MIPOL1: variants seen among roughly 807,000 people sequenced by gnomAD.
MIPOL1 encodes the protein mirror-image polydactyly gene 1 protein.
A neutral mutation model predicts 60.9 loss-of-function variants in MIPOL1; 57 were observed. That is an observed-to-expected ratio of 0.94 (90% CI 0.76 to 1.17). The LOEUF is 1.17. Ranked by LOEUF, MIPOL1 falls within the 50% of genes most tolerant of loss-of-function variation. MIPOL1 has a pLI of 0.00. For missense variants in MIPOL1, 551 were observed against 511.6 expected (o/e 1.08, Z -0.74); for synonymous variants, 179 against 168.8 (o/e 1.06, Z -0.47).
chr14:37,248,710 A>G (rs1973594192), intron 3 of MIPOL1, among the ~76,000 whole-genome samples: 1 of 152,114 alleles, frequency 6.6e-6, no homozygotes, highest in South Asian at 2.1e-4. Context: ...AGAGAAACAG[A>G]CACACCTAAA....
intron 10 of MIPOL1, among the ~76,000 whole-genome samples, chr14:37,397,474 C>T (rs1224407769): frequency 6.6e-6 from 1 of 152,104 alleles, no homozygotes; most frequent in Non-Finnish European, 1.5e-5. Flanking sequence ...GGCCTCCTGC[C>T]AGGAGGTGGC....
intron 9 of MIPOL1, among the ~76,000 whole-genome samples, chr14:37,335,978 A>G (rs1343281064): frequency 3.3e-5 from 5 of 152,040 alleles, no homozygotes; most frequent in Non-Finnish European, 5.9e-5. Flanking sequence ...GACAAATCCA[A>G]TGTCATGAAA....
intron 11 of MIPOL1, among the ~76,000 whole-genome samples, chr14:37,463,534 G>A (rs1490212364): frequency 1.3e-5 from 2 of 152,154 alleles, no homozygotes; most frequent in African/African-American, 2.4e-5. Flanking sequence ...AATACATGGT[G>A]TTGGAAAAAT....
At chr14:37,380,974 C>T (rs866791494) in intron 10 of MIPOL1, among the ~76,000 whole-genome samples, 7 of 152,226 alleles carry the variant, frequency 4.6e-5, no homozygotes, top group Middle Eastern at 3.4e-3. Context: ...TTGTATCCAG[C>T]ATTTTCTCTG....
intron 11 of MIPOL1, 101 bp from the exon 12 acceptor site, chr14:37,499,807 T>G: frequency 1.9e-6 from 1 of 528,204 alleles, no homozygotes; most frequent in Non-Finnish European, 3.3e-6. Context: ...TATTTATTGA[T>G]TTTTAGAACT....
At chr14:37,404,630 G>A (rs1270261669) in intron 10 of MIPOL1, among the ~76,000 whole-genome samples, 17 of 152,052 alleles carry the variant, frequency 1.1e-4, no homozygotes, top group Non-Finnish European at 2.2e-4. Context: ...ATATATCACC[G>A]TTACTTGTTT....
At chr14:37,294,237 C>T (rs559619792) in intron 7 of MIPOL1, among the ~76,000 whole-genome samples, 16 of 152,304 alleles carry the variant, frequency 1.1e-4, no homozygotes, top group African/African-American at 2.9e-4. Context: ...AACAGACCTG[C>T]AGCTCAGGGT....
chr14:37,265,609 A>C (rs2153383464), intron 3 of MIPOL1, among the ~76,000 whole-genome samples: 1 of 152,294 alleles, frequency 6.6e-6, no homozygotes, highest in African/African-American at 2.4e-5. Flanking sequence ...CAGAGGATTT[A>C]ACATTGATTT....
intron 9 of MIPOL1, among the ~76,000 whole-genome samples, chr14:37,362,433 A>T (rs1415875007): frequency 6.6e-6 from 1 of 151,890 alleles, no homozygotes; most frequent in Non-Finnish European, 1.5e-5. Context: ...TTGAATATTG[A>T]CCCCCACTCT....
chr14:37,445,319 A>G (rs1189235392), intron 11 of MIPOL1, among the ~76,000 whole-genome samples: 1 of 152,224 alleles, frequency 6.6e-6, no homozygotes, highest in African/African-American at 2.4e-5. Context: ...ACTCCCATTC[A>G]CAATTGCTTC....
rs1974060831 is a variant in MIPOL1 at position 37,251,321 on chromosome 14, G to A, written c.19+3414G>A. 3.3e-5 allele frequency among the ~76,000 whole-genome samples: 5 copies of A among 152,084 alleles called. No individual in the cohort carries two copies. In the South Asian group the frequency reaches 1.0e-3, roughly 32 times the overall value. ...AGCCTCGAGCAATTCTCCTGCCTCA[G>A]ACTCCCAAAGCCCTGGGATGACAGG... On this transcript the variant is annotated intron_variant, in intron 3 of 12. Transcript: ENST00000684589.
intron 8 of MIPOL1, 113 bp from the exon 9 acceptor site, chr14:37,308,236 C>T: frequency 8.4e-7 from 1 of 1,194,518 alleles, no homozygotes; most frequent in South Asian, 1.7e-5. Context: ...TATGAAAATT[C>T]AATAACTTCA....
At chr14:37,419,925 G>A (rs946178539) in intron 10 of MIPOL1, among the ~76,000 whole-genome samples, 5 of 151,804 alleles carry the variant, frequency 3.3e-5, no homozygotes, top group Admixed American at 6.6e-5. Context: ...AATTTTTGTG[G>A]AGATGAGGTC....
chr14:37,419,189 A>G (rs1334726415), intron 10 of MIPOL1, among the ~76,000 whole-genome samples: 1 of 152,230 alleles, frequency 6.6e-6, no homozygotes, highest in Middle Eastern at 3.2e-3. Flanking sequence ...CTACCAGTAC[A>G]TGAAATAATA....
At chr14:37,534,429 C>A (rs2095496693) in intron 12 of MIPOL1, among the ~76,000 whole-genome samples, 1 of 152,168 alleles carries the variant, frequency 6.6e-6, no homozygotes, top group African/African-American at 2.4e-5. Flanking sequence ...AGGTCAGCAG[C>A]AAAATTTCAA....
intron 9 of MIPOL1, among the ~76,000 whole-genome samples, chr14:37,321,913 G>A (rs923597967): frequency 4.0e-5 from 6 of 151,724 alleles, no homozygotes; most frequent in African/African-American, 1.5e-4. Flanking sequence ...GTTCAGACTT[G>A]ACCCCAACAT....
At chr14:37,255,815 A>G (rs1231288198) in intron 3 of MIPOL1, among the ~76,000 whole-genome samples, 1 of 151,834 alleles carries the variant, frequency 6.6e-6, no homozygotes, top group Non-Finnish European at 1.5e-5. Flanking sequence ...GATGCAAACT[A>G]AAAAGTGATT....
At chr14:37,442,110 G>T (rs575975524) in intron 11 of MIPOL1, among the ~76,000 whole-genome samples, 3 of 151,426 alleles carry the variant, frequency 2.0e-5, no homozygotes, top group Non-Finnish European at 4.4e-5. Context: ...GTGTGTGTGT[G>T]TGTGTGTGTG....
At chr14:37,473,108 C>T (rs536535667) in intron 11 of MIPOL1, among the ~76,000 whole-genome samples, 7 of 152,240 alleles carry the variant, frequency 4.6e-5, no homozygotes, top group Admixed American at 1.3e-4. Flanking sequence ...GCAGATCCTG[C>T]GTGATCGACT....
Sources: gnomAD v4.1 joint callset for allele counts (sites outside exome capture counted in the v4.1 genomes callset) on GRCh38, gnomAD v4.1.1 for gene constraint, MANE v1.5 for transcripts, NCBI Gene and HGNC (gene_info 2026-07-23, HGNC 2026-07-21) for gene names.